Variants in PIK3R5 observed in about 807,000 individuals in gnomAD.
The protein encoded by PIK3R5 is phosphoinositide-3-kinase regulatory subunit 5.
PIK3R5 carries 32 observed loss-of-function variants against 94.9 expected under a neutral mutation model. The ratio of observed to expected loss-of-function variants is 0.34; its 90% CI spans 0.25 to 0.45. The LOEUF is 0.45. PIK3R5 is among the 20% of genes least tolerant of loss of function. PIK3R5 has a pLI of 1.00. For synonymous variants in PIK3R5, 443 were observed against 479.4 expected (o/e 0.92, Z 0.99); for missense variants, 853 against 1,144.6 (o/e 0.75, Z 3.68).
rs2089711143 is a variant in PIK3R5, at chr17:8,882,753, G to A, written c.2206-872C>T. On this transcript the variant is annotated intron_variant, in intron 15 of 18. Transcript: ENST00000447110. This position sits in a 1 kb window ranked among gnomAD's most constrained non-coding sequence, Gnocchi z 4.1. ...ATGGTGCTGCCAGTCACAGAGGAGT[G>A]ACTCCAGGAGTCTGGCCTCTCCTTT... Among the ~76,000 whole-genome samples the A allele has an allele frequency of 6.6e-6, 1 of 151,952 alleles. No homozygotes were observed. The highest frequency in any genetic ancestry group is 1.5e-5 in the Non-Finnish European group (1 of 68,030).
intron 3 of PIK3R5, among the ~76,000 whole-genome samples, chr17:8,908,530 A>AACACACACACACACACAC (rs3138608): frequency 3.7e-5 from 5 of 136,582 alleles, no homozygotes; most frequent in South Asian, 2.6e-4. Context: ...AAATAATTAA[A>AACACACACACACACACAC]ACACACACAC....
At chr17:8,885,897 CCTCCCCAAGGCCCCA>C (rs1339576910) in intron 14 of PIK3R5, among the ~76,000 whole-genome samples, 14 of 141,092 alleles carry the variant, frequency 9.9e-5, no homozygotes, top group Non-Finnish European at 1.5e-4. Flanking sequence ...GGTAACCCTG[CCTCCCCAAGGCCCCA>C]CCTACCGGAC....
chr17:8,885,404 C>T (rs2089799458), intron 14 of PIK3R5, among the ~76,000 whole-genome samples: 1 of 148,862 alleles, frequency 6.7e-6, no homozygotes, highest in Admixed American at 6.6e-5. Flanking sequence ...CAGGGCCCCA[C>T]CTACCAGGCA....
intron 1 of PIK3R5, among the ~76,000 whole-genome samples, chr17:8,957,559 T>C (rs2091484887): frequency 6.6e-6 from 1 of 152,226 alleles, no homozygotes; most frequent in Non-Finnish European, 1.5e-5. Context: ...GGATATGAAG[T>C]GGTTGCTCAG....
Position 8,945,357 on chromosome 17 carries a change from C to A in PIK3R5, c.-14+20239G>T, listed in dbSNP as rs2091254527. ...AGGTCTGCCTCCCACCCCAGCCACA[C>A]ACACACACACTCACACCCTTCAGGG... On this transcript the variant is annotated intron_variant, in intron 1 of 18. Coordinates refer to ENST00000447110, the MANE Select transcript of PIK3R5 (RefSeq NM_001142633.3). This position sits in a 1 kb window ranked among gnomAD's most constrained non-coding sequence, Gnocchi z 4.0. Among the ~76,000 whole-genome samples the A allele has an allele frequency of 6.6e-6, 1 of 152,184 alleles. No homozygotes were observed. Among genetic ancestry groups the A allele is most frequent in the South Asian group, 2.1e-4 (1 of 4,826 alleles).
intron 3 of PIK3R5, among the ~76,000 whole-genome samples, chr17:8,906,474 G>A (rs570578144): frequency 2.0e-5 from 3 of 152,052 alleles, no homozygotes; most frequent in East Asian, 3.9e-4. Context: ...TATTTTTGAT[G>A]TACAGAAATT....
intron 4 of PIK3R5, among the ~76,000 whole-genome samples, chr17:8,905,388 GT>G (rs1481383238): frequency 5.5e-5 from 6 of 109,202 alleles, no homozygotes; most frequent in Non-Finnish European, 1.2e-4. Flanking sequence ...GAAAAATGAG[GT>G]GGACATAGAA....
At position 8,909,323 on chromosome 17, in the gene PIK3R5, C is replaced by T. The variant is rs1487300673; in HGVS notation, c.104-149G>A. On this transcript the variant is annotated intron_variant, in intron 2 of 18. Coordinates refer to ENST00000447110, the MANE Select transcript of PIK3R5 (RefSeq NM_001142633.3). The surrounding 1 kb of genome is among the most constrained non-coding windows in gnomAD (Gnocchi z 4.3). ...TTTTTTTTTTTGAGACAGAGTCTTG[C>T]TCTGTCGCCAGGCTGGAGTGCAGTG... The T allele has an allele frequency of 2.1e-5, 12 of 580,560 alleles. No homozygotes were observed. Among genetic ancestry groups the T allele is most frequent in the South Asian group, 3.8e-5 (2 of 52,104 alleles). 36.0% of individuals were successfully genotyped at this position (580,560 alleles called of 1,614,324 possible). A position where few individuals can be genotyped will look rare whatever the true frequency, so the allele number is the denominator to read the frequency against.
At chr17:8,954,794 T>C (rs549030021) in intron 1 of PIK3R5, among the ~76,000 whole-genome samples, 2 of 151,984 alleles carry the variant, frequency 1.3e-5, no homozygotes, top group African/African-American at 4.8e-5. Flanking sequence ...AAAATTAGCC[T>C]GGTGTAGTGG....
chr17:8,921,899 CA>C (rs2090755569), intron 1 of PIK3R5, among the ~76,000 whole-genome samples: 1 of 152,050 alleles, frequency 6.6e-6, no homozygotes, highest in African/African-American at 2.4e-5. Context: ...ACAAAAAGCA[CA>C]GGCAACAAAA....
chr17:8,928,903 T>TA (rs2090937794), intron 1 of PIK3R5, among the ~76,000 whole-genome samples: 1 of 152,136 alleles, frequency 6.6e-6, no homozygotes, highest in South Asian at 2.1e-4. Flanking sequence ...GATGGCTGAA[T>TA]AAAAAATAAC....
rs1165271801 is a variant in PIK3R5, at chr17:8,955,394, G to GCTA, written c.-14+10201_-14+10202insTAG. Among the ~76,000 whole-genome samples, 3 of 152,242 alleles carry GCTA rather than the reference G, an allele frequency of 2.0e-5. No individual in the cohort carries two copies. On this transcript the variant is annotated intron_variant, in intron 1 of 18. Transcript: ENST00000447110. This position sits in a 1 kb window ranked among gnomAD's most constrained non-coding sequence, Gnocchi z 4.4. ...TGAGTGAGGCAAGAACACACGTTAG[G>GCTA]TCTTGGGAAAACTGAGTCAGGCAGT...
At position 8,886,333 on chromosome 17, in the gene PIK3R5, C is replaced by T. The variant is rs2089855351; in HGVS notation, c.2035-11G>A. ...AGTGATGAAGGTCAGCTGGAGAGGG[C>T]AGGAGCATGTACATCAGTGTGAACC... is the stretch of plus-strand genomic sequence containing the variant. On this transcript the variant is annotated splice_polypyrimidine_tract_variant and intron_variant, in intron 13 of 18. Coordinates refer to ENST00000447110, the MANE Select transcript of PIK3R5 (RefSeq NM_001142633.3). The T allele has an allele frequency of 1.2e-6, 2 of 1,609,728 alleles. No individual in the cohort carries two copies. The highest frequency in any genetic ancestry group is 1.1e-5 in the South Asian group (1 of 90,996).
At position 8,879,546 on chromosome 17, in the gene PIK3R5, A is replaced by G. The variant is rs1289965673; in HGVS notation, c.*1093T>C. On this transcript the variant is annotated 3_prime_UTR_variant, in exon 19 of 19. Transcript: ENST00000447110. The surrounding 1 kb of genome is among the most constrained non-coding windows in gnomAD (Gnocchi z 4.4). ...GAGTGAGATGGGAGTGGGAGGGCCA[A>G]TCTGATACAGAAGGGGGTGAAGGGT... The G allele has an allele frequency of 6.6e-6, 1 of 152,216 alleles. No individual in the cohort carries two copies. Among genetic ancestry groups the G allele is most frequent in the African/African-American group, 2.4e-5 (1 of 41,448 alleles). The allele number at this position is 152,216 out of a possible 1,614,324, so 9.4% of individuals were successfully genotyped here. A position where few individuals can be genotyped will look rare whatever the true frequency, so the allele number is the denominator to read the frequency against.
chr17:8,886,726 G>C, intron 12 of PIK3R5, 121 bp from the exon 13 acceptor site: 1 of 1,180,166 alleles, frequency 8.5e-7, no homozygotes, highest in Non-Finnish European at 1.2e-6. Context: ...GGGGGAGCTG[G>C]TGAGGTGGAA....
At chr17:8,963,587 T>C (rs913770053) in intron 1 of PIK3R5, among the ~76,000 whole-genome samples, 2 of 150,382 alleles carry the variant, frequency 1.3e-5, no homozygotes, top group Non-Finnish European at 3.0e-5. Flanking sequence ...TGCCAGGCTA[T>C]AGCGCAGTGA....
chr17:8,909,296 CT>C lies in PIK3R5; in HGVS notation c.104-123del, dbSNP rs796666707. 54,288 of 459,578 alleles carry C rather than the reference CT, an allele frequency of 0.12. 59 individuals are homozygous for C. Among genetic ancestry groups the C allele is most frequent in the South Asian group, 0.18 (6,093 of 34,582 alleles). 28.5% of individuals were successfully genotyped at this position (459,578 alleles called of 1,614,324 possible). ...TTCTGTGGTATTGCACTGGAACACT[CT>C]TTTTTTTTTTTGAGACAGAGTCTTG... is the stretch of plus-strand genomic sequence containing the variant. On this transcript the variant is annotated intron_variant, in intron 2 of 18. Transcript: ENST00000447110. The surrounding 1 kb of genome is among the most constrained non-coding windows in gnomAD (Gnocchi z 4.3).
chr17:8,962,728 T>C (rs2091588836), intron 1 of PIK3R5, among the ~76,000 whole-genome samples: 1 of 152,244 alleles, frequency 6.6e-6, no homozygotes, highest in Admixed American at 6.5e-5. Flanking sequence ...TTCAGTGAAA[T>C]TCATACAATT....
chr17:8,905,696 G>A lies in PIK3R5; in HGVS notation c.246C>T (p.Ala82=). Residue 82 remains alanine, a synonymous_variant, in exon 4 of 19, where the codon GCC becomes GCT. Coordinates refer to ENST00000447110, the MANE Select transcript of PIK3R5 (RefSeq NM_001142633.3). ...KGTYDLLTPL[A]LLFYSTVLCT... is the part of the protein sequence containing the mutation. ...AAAGAACAGTGGAATAGAAGAGCAG[G>A]GCCAGCGGGGTGAGCAGGTCGTAGG... 1 of 1,607,032 alleles carries A rather than the reference G, an allele frequency of 6.2e-7. No individual in the cohort carries two copies. The highest frequency in any genetic ancestry group is 8.5e-7 in the Non-Finnish European group (1 of 1,176,872).
Sources: allele counts gnomAD v4.1 joint callset (sites outside exome capture counted in the v4.1 genomes callset), GRCh38; gene constraint gnomAD v4.1.1; non-coding constraint Gnocchi (gnomAD v3.1); transcripts MANE v1.5; gene names NCBI Gene and HGNC (gene_info 2026-07-23, HGNC 2026-07-21).